Variants in XRCC5 observed in about 807,000 individuals in gnomAD.
The protein encoded by XRCC5 is DNA repair protein Ku80.
In XRCC5, 12 loss-of-function variants were observed where a neutral mutation model predicts 95.7. That is an observed-to-expected ratio of 0.13 (90% confidence interval 0.08 to 0.20). The LOEUF (loss-of-function observed/expected upper bound fraction) is 0.20. Ranked by LOEUF, XRCC5 falls within the 10% of genes least tolerant of loss-of-function variation. The probability of loss-of-function intolerance (pLI) is 1.00; values close to 1 mark genes in which losing one functional copy is unlikely to be tolerated. For missense variants in XRCC5, 595 were observed against 873.9 expected, an observed-to-expected ratio of 0.68 and a Z score of 4.02; for synonymous variants, 281 against 290.3, an observed-to-expected ratio of 0.97 and a Z score of 0.33.
At chr2:216,130,540 A>T (rs997923058) in intron 8 of XRCC5, among the ~76,000 whole-genome samples, 1 of 152,144 alleles carries the variant, frequency 6.6e-6, no homozygotes, top group Non-Finnish European at 1.5e-5. Context: ...ACTTTAGTCA[A>T]CCATGGTTTA....
intron 17 of XRCC5, among the ~76,000 whole-genome samples, chr2:216,191,389 G>T (rs928434580): frequency 2.0e-5 from 3 of 151,740 alleles, no homozygotes; most frequent in Non-Finnish European, 4.4e-5. Context: ...AGTCTTAATG[G>T]AGAGATTATT....
At chr2:216,190,498 A>G (rs1689596404) in intron 17 of XRCC5, among the ~76,000 whole-genome samples, 164 bp downstream of exon 17, 1 of 152,192 alleles carries the variant, frequency 6.6e-6, no homozygotes, top group South Asian at 2.1e-4. Flanking sequence ...AATTCATGTT[A>G]CTATCACTGT....
chr2:216,196,232 A>C (rs905941367), intron 19 of XRCC5, among the ~76,000 whole-genome samples: 3 of 152,090 alleles, frequency 2.0e-5, no homozygotes, highest in African/African-American at 7.2e-5. Context: ...AAAAAAAAAA[A>C]AACTTGTCAT....
intron 13 of XRCC5, among the ~76,000 whole-genome samples, chr2:216,144,082 A>G (rs1299021348): frequency 6.6e-6 from 1 of 152,156 alleles, no homozygotes; most frequent in Non-Finnish European, 1.5e-5. Flanking sequence ...ACCAGTTGTT[A>G]AAACAGTGGT....
intron 13 of XRCC5, among the ~76,000 whole-genome samples, chr2:216,146,936 T>C (rs1338286411): frequency 6.6e-6 from 1 of 152,190 alleles, no homozygotes; most frequent in Admixed American, 6.5e-5. Context: ...TGCTTAGAAT[T>C]CATTCAGCAG....
At chr2:216,197,225 A>T (rs192471505) in intron 19 of XRCC5, among the ~76,000 whole-genome samples, 446 of 152,326 alleles carry the variant, frequency 2.9e-3, no homozygotes, top group Non-Finnish European at 5.4e-3. Flanking sequence ...AGGAATTTTA[A>T]TGTCTAATGA....
chr2:216,175,285 A>G (rs1018383443), intron 16 of XRCC5: 6 of 436,726 alleles, frequency 1.4e-5, no homozygotes, highest in South Asian at 7.0e-5. Context: ...CACCACCTCT[A>G]CTTCTACCAC....
Position 216,130,933 on chromosome 2 carries a change from A to G in XRCC5, c.996A>G (p.Lys332=). 1 of 1,613,830 alleles carries G rather than the reference A, an allele frequency of 6.2e-7. No homozygotes were observed. Among genetic ancestry groups the G allele is most frequent in the Non-Finnish European group, 8.5e-7 (1 of 1,179,884 alleles). ...PFSKVDEEQM[K]YKSEGKCFSV... ...CTAAAGTGGATGAGGAACAAATGAA[A>G]TATAAATCGGAGGGGAAGTGCTTCT... Residue 332 remains lysine, a synonymous_variant, in exon 9 of 21, where the codon AAA becomes AAG. Coordinates refer to ENST00000392132, the MANE Select transcript of XRCC5 (RefSeq NM_021141.4).
intron 15 of XRCC5, among the ~76,000 whole-genome samples, chr2:216,161,533 A>T (rs1464600551): frequency 6.6e-6 from 1 of 152,174 alleles, no homozygotes; most frequent in African/African-American, 2.4e-5. Flanking sequence ...AGTCCCACTA[A>T]TGGGCACTTC....
chr2:216,146,083 T>A (rs906052794), intron 13 of XRCC5, among the ~76,000 whole-genome samples: 2 of 152,218 alleles, frequency 1.3e-5, no homozygotes, highest in African/African-American at 4.8e-5. Context: ...ATTACCTTGC[T>A]TTACATTGAA....
At position 216,137,289 on chromosome 2, in the gene XRCC5, C is replaced by T. The variant is rs1457589767; in HGVS notation, c.1251+64C>T. The T allele has an allele frequency of 2.6e-6, 4 of 1,530,038 alleles. No homozygotes were observed. The East Asian group carries it at 9.2e-5, about 35-fold the overall frequency. The allele number at this position is 1,530,038 out of a possible 1,614,324, so 94.8% of individuals were successfully genotyped here. A position where few individuals can be genotyped will look rare whatever the true frequency, so the allele number is the denominator to read the frequency against. ...TTCCTTTATTCTAAGCAGTGTTTCT[C>T]AGCTGTTAATGTTCATGACAATTAC... On this transcript the variant is annotated intron_variant, in intron 11 of 20. Transcript: ENST00000392132.
intron 7 of XRCC5, among the ~76,000 whole-genome samples, chr2:216,126,989 T>C (rs923663727): frequency 1.3e-5 from 2 of 152,154 alleles, no homozygotes; most frequent in Admixed American, 6.5e-5. Flanking sequence ...CAGTGACTCA[T>C]GCCTGTAATT....
rs755735778 is a variant in XRCC5 at position 216,160,171 on chromosome 2, G to T, written c.1764+10G>T. 8.2e-6 allele frequency: 13 copies of T among 1,580,956 alleles called. No homozygotes were observed. The highest frequency in any genetic ancestry group is 8.6e-7 in the Non-Finnish European group (1 of 1,163,112). On this transcript the variant is annotated intron_variant, in intron 15 of 20. Coordinates refer to ENST00000392132, the MANE Select transcript of XRCC5 (RefSeq NM_021141.4). The stretch of plus-strand genomic sequence containing the variant: ...AGGCAGTGTCACCTCTGTAAGCTAA[G>T]CTTTTCAAGTGCGCTTCCCCCTTTG...
At chr2:216,134,511 C>T (rs561281217) in intron 10 of XRCC5, among the ~76,000 whole-genome samples, 13 of 151,432 alleles carry the variant, frequency 8.6e-5, no homozygotes, top group African/African-American at 2.7e-4. Context: ...CACTGTAACC[C>T]CTGCCTCCCG....
chr2:216,128,229 A>G (rs1696927003), intron 8 of XRCC5, among the ~76,000 whole-genome samples: 1 of 152,230 alleles, frequency 6.6e-6, no homozygotes, highest in South Asian at 2.1e-4. Context: ...AAACTAGCTG[A>G]GGATATCTGT....
chr2:216,141,556 T>TTTTTTTTTTTTTTTTTTTTTTTG (rs1697171582), intron 13 of XRCC5, among the ~76,000 whole-genome samples: 1 of 56,306 alleles, frequency 1.8e-5, no homozygotes, highest in African/African-American at 4.9e-5. Context: ...TTTTTTTTTT[T>TTTTTTTTTTTTTTTTTTTTTTTG]TTTTTTTTTT....
At chr2:216,120,086 A>G (rs1271580696) in intron 5 of XRCC5, among the ~76,000 whole-genome samples, 1 of 150,182 alleles carries the variant, frequency 6.7e-6, no homozygotes, top group African/African-American at 2.4e-5. Flanking sequence ...TCTTAAGACT[A>G]CAGAGCGACA....
At chr2:216,147,741 C>T (rs1208648757) in intron 13 of XRCC5, among the ~76,000 whole-genome samples, 5 of 152,074 alleles carry the variant, frequency 3.3e-5, no homozygotes. Flanking sequence ...AAGTTATAAT[C>T]CCAGATTATC....
intron 12 of XRCC5, among the ~76,000 whole-genome samples, chr2:216,138,410 C>G (rs1177182638): frequency 2.0e-5 from 3 of 152,162 alleles, no homozygotes; most frequent in Non-Finnish European, 4.4e-5. Flanking sequence ...TGCCTTGGAG[C>G]ATGTACCTAG....
Sources: allele counts gnomAD v4.1 joint callset (sites outside exome capture counted in the v4.1 genomes callset), GRCh38; gene constraint gnomAD v4.1.1; transcripts MANE v1.5; gene names NCBI Gene and HGNC (gene_info 2026-07-23, HGNC 2026-07-21).